CCNY: variants seen among roughly 807,000 people sequenced by gnomAD.
CCNY encodes the protein cyclin-Y.
A neutral mutation model predicts 42.8 loss-of-function variants in CCNY; 19 were observed. The ratio of observed to expected loss-of-function variants is 0.44; its 90% CI spans 0.31 to 0.65. The LOEUF is 0.65. CCNY is among the 30% of genes least tolerant of loss of function. The pLI, the probability that CCNY is intolerant of heterozygous loss-of-function variation, is 0.07. For synonymous variants in CCNY, 165 were observed against 162.7 expected (o/e 1.01, Z -0.11); for missense variants, 370 against 437.3 (o/e 0.85, Z 1.37).
intron 3 of CCNY, among the ~76,000 whole-genome samples, chr10:35,312,752 T>TG (rs1472313812): frequency 6.7e-6 from 1 of 148,438 alleles, no homozygotes; most frequent in Non-Finnish European, 1.5e-5. Flanking sequence ...TTTTACTTTT[T>TG]TTTTTTTTTT....
Position 35,569,111 on chromosome 10 carries a change from C to T in CCNY, c.967C>T (p.Arg323Cys), listed in dbSNP as rs1438785012. The change falls in exon 10 of 10, where the codon CGC (arginine) becomes TGC (cysteine). Residue 323 changes from arginine to cysteine, a missense_variant. Arg to Cys is a radical substitution (Grantham distance 180, BLOSUM62 -3). Around this residue, in one of 2 missense-constraint regions of CCNY, gnomAD observed 234 missense variants for 313.1 expected, o/e 0.75. Coordinates refer to ENST00000374704, the MANE Select transcript of CCNY (RefSeq NM_145012.6). ...GGACCTAAGAAGATCCGCGAGGAAG[C>T]GCTCAGCCAGTGCAGACAACCTGAC... is the stretch of plus-strand genomic sequence containing the variant. Reference protein sequence around the residue: ...YKDLRRSARKRSASADNLTLP... With the variant: ...YKDLRRSARKCSASADNLTLP... The T allele has an allele frequency of 6.2e-6, 10 of 1,612,838 alleles. No individual in the cohort carries two copies. The highest frequency in any genetic ancestry group is 4.0e-5 in the African/African-American group (3 of 74,954).
intron 3 of CCNY, among the ~76,000 whole-genome samples, chr10:35,304,437 G>A (rs2135077794): frequency 9.5e-6 from 1 of 105,082 alleles, no homozygotes; most frequent in Admixed American, 9.9e-5. Context: ...AGCCTCCCAA[G>A]TAGCTGGGAC....
intron 1 of CCNY, among the ~76,000 whole-genome samples, chr10:35,436,602 C>T (rs932047329): frequency 5.3e-5 from 8 of 152,182 alleles, no homozygotes; most frequent in African/African-American, 1.7e-4. Context: ...ACTGGAGGCA[C>T]AGCACTTGCT....
intron 2 of CCNY, among the ~76,000 whole-genome samples, chr10:35,485,385 A>G (rs1004033239): frequency 1.3e-5 from 2 of 152,256 alleles, no homozygotes; most frequent in African/African-American, 2.4e-5. Context: ...AAGTGCTTCT[A>G]ATGAACAATT....
chr10:35,552,739 G>A (rs141418577), intron 7 of CCNY, among the ~76,000 whole-genome samples: 1 of 152,326 alleles, frequency 6.6e-6, no homozygotes, highest in East Asian at 1.9e-4. Flanking sequence ...GGATATCACA[G>A]TTGATAGAGT....
chr10:35,540,266 T>C (rs969712560), intron 7 of CCNY, among the ~76,000 whole-genome samples: 17 of 152,230 alleles, frequency 1.1e-4, no homozygotes, highest in Non-Finnish European at 1.5e-5. Flanking sequence ...TTAATTTGTG[T>C]AGTGTTTTTA....
intron 2 of CCNY, among the ~76,000 whole-genome samples, chr10:35,497,438 G>C (rs977094194): frequency 1.6e-4 from 24 of 152,272 alleles, no homozygotes; most frequent in Admixed American, 5.2e-4. Flanking sequence ...ATACACCACT[G>C]TAAAATATTC....
intron 7 of CCNY, among the ~76,000 whole-genome samples, chr10:35,548,884 A>G (rs1473439370): frequency 6.6e-6 from 1 of 152,168 alleles, no homozygotes; most frequent in Non-Finnish European, 1.5e-5. Context: ...CTTTGTCTTC[A>G]GTACAGTGCC....
At position 35,547,996 on chromosome 10, in the gene CCNY, A is replaced by G. The variant is rs567729201; in HGVS notation, c.580-5023A>G. ...AACCTCTTACTACAGCTTATTGGCT[A>G]TTTGCCTTTGGGATTTGAAACATGT... On this transcript the variant is annotated intron_variant, in intron 7 of 9. Coordinates refer to ENST00000374704, the MANE Select transcript of CCNY (RefSeq NM_145012.6). Among the ~76,000 whole-genome samples the G allele has an allele frequency of 1.7e-3, 260 of 152,132 alleles. 1 individual carries two copies. Among genetic ancestry groups the G allele is most frequent in the African/African-American group, 5.9e-3 (245 of 41,492 alleles).
chr10:35,284,241 T>A (rs1835329373), intron 3 of CCNY, among the ~76,000 whole-genome samples: 1 of 152,142 alleles, frequency 6.6e-6, no homozygotes, highest in Non-Finnish European at 1.5e-5. Flanking sequence ...GGCTTTGAAC[T>A]TTTTTCCAGG....
chr10:35,534,366 G>A (rs1018547495), intron 7 of CCNY, among the ~76,000 whole-genome samples: 5 of 152,128 alleles, frequency 3.3e-5, no homozygotes, highest in African/African-American at 4.8e-5. Flanking sequence ...CGTCAACTTC[G>A]GGGACATCAC....
At chr10:35,283,498 G>T (rs976330213) in intron 3 of CCNY, among the ~76,000 whole-genome samples, 2 of 152,004 alleles carry the variant, frequency 1.3e-5, no homozygotes, top group African/African-American at 4.8e-5. Flanking sequence ...CTGCCTCCTG[G>T]GTTCAAGTGA....
At chr10:35,448,991 G>A (rs1475673698) in intron 1 of CCNY, among the ~76,000 whole-genome samples, 1 of 151,960 alleles carries the variant, frequency 6.6e-6, no homozygotes, top group African/African-American at 2.4e-5. Flanking sequence ...GAGGGTGGAG[G>A]ATGAGTGCAG....
chr10:35,301,491 A>G (rs1374900349), intron 3 of CCNY, among the ~76,000 whole-genome samples: 1 of 152,170 alleles, frequency 6.6e-6, no homozygotes, highest in African/African-American at 2.4e-5. Context: ...GTGATAATCA[A>G]TTTGCAGATG....
In CCNY at chr10:35,336,743, G is replaced by A. The variant is rs1836041081; in HGVS notation, c.-311G>A. On this transcript the variant is annotated 5_prime_UTR_variant, in exon 1 of 10. Coordinates refer to ENST00000374704, the MANE Select transcript of CCNY (RefSeq NM_145012.6). ...GCGCGGCGCCGCCCGCCATGGCCGCGGCGGGGTGAGGTAGGCGCGGCGGCC... is the reference window on the plus strand; with the variant it reads ...GCGCGGCGCCGCCCGCCATGGCCGCAGCGGGGTGAGGTAGGCGCGGCGGCC... The A allele has an allele frequency of 6.8e-6, 1 of 147,142 alleles. No homozygotes were observed. The highest frequency in any genetic ancestry group is 2.4e-5 in the African/African-American group (1 of 40,892). The allele number at this position is 147,142 out of a possible 1,614,324, so 9.1% of individuals were successfully genotyped here.
chr10:35,482,486 A>C (rs550922067), intron 1 of CCNY, among the ~76,000 whole-genome samples: 13 of 152,214 alleles, frequency 8.5e-5, no homozygotes, highest in Admixed American at 5.9e-4. Context: ...CTGTGATGGC[A>C]TTCTAAGTTG....
intron 5 of CCNY, among the ~76,000 whole-genome samples, chr10:35,529,283 T>C (rs889790797): frequency 3.3e-5 from 5 of 152,224 alleles, no homozygotes; most frequent in African/African-American, 1.2e-4. Flanking sequence ...TACATTGATA[T>C]TCATTCTTAC....
In CCNY at chr10:35,483,248, G is replaced by A. The variant is rs77890420; in HGVS notation, c.155-156G>A. ...TCATATTTCTAAATAGCAGTGTTCT[G>A]AATTGAACCAAAAGAATCTATTAAC... is the stretch of plus-strand genomic sequence containing the variant. On this transcript the variant is annotated intron_variant, in intron 1 of 9. Coordinates refer to ENST00000374704, the MANE Select transcript of CCNY (RefSeq NM_145012.6). Among the ~76,000 whole-genome samples, 25 of 152,256 alleles carry A rather than the reference G, an allele frequency of 1.6e-4. No individual in the cohort carries two copies. The East Asian group carries it at 2.7e-3, about 16-fold the overall frequency.
At chr10:35,273,347 G>A (rs912750092) in intron 3 of CCNY, among the ~76,000 whole-genome samples, 35 of 151,848 alleles carry the variant, frequency 2.3e-4, no homozygotes, top group Admixed American at 4.6e-4. Context: ...GATTACAGGC[G>A]TGCACCACCA....
Sources: gnomAD v4.1 joint callset for allele counts (sites outside exome capture counted in the v4.1 genomes callset) on GRCh38, gnomAD v4.1.1 for gene constraint, gnomAD v4.1.1 regional missense constraint, MANE v1.5 for transcripts, NCBI Gene and HGNC (gene_info 2026-07-23, HGNC 2026-07-21) for gene names.